BPIFB1: variants seen among roughly 807,000 people sequenced by gnomAD.
The protein encoded by BPIFB1 is BPI fold containing family B member 1.
In BPIFB1, 34 loss-of-function variants were observed where a neutral mutation model predicts 55.1. The observed-to-expected ratio is 0.62, with a 90% confidence interval of 0.47 to 0.82. BPIFB1 has a LOEUF of 0.82. BPIFB1 is among the 40% of genes least tolerant of loss of function. The probability of loss-of-function intolerance (pLI) is 0.00; values close to 1 mark genes in which losing one functional copy is unlikely to be tolerated. For synonymous variants in BPIFB1, 236 were observed against 245.3 expected (o/e 0.96, Z 0.35); for missense variants, 532 against 593.1 (o/e 0.90, Z 1.07).
chr20:33,305,037 T>C, intron 13 of BPIFB1, 146 bp downstream of exon 13: 3 of 827,708 alleles, frequency 3.6e-6, no homozygotes, highest in Non-Finnish European at 4.0e-6. Flanking sequence ...AAAGTCCAAC[T>C]TCCCTCGAGT....
intron 8 of BPIFB1, 145 bp downstream of exon 8, chr20:33,300,129 G>T (rs760911916): frequency 4.2e-6 from 3 of 710,408 alleles, no homozygotes; most frequent in East Asian, 2.7e-5. Context: ...ATCACTGCAG[G>T]CTGAATATGT....
chr20:33,306,849 T>C, intron 14 of BPIFB1, 62 bp from the exon 15 acceptor site: 1 of 1,423,630 alleles, frequency 7.0e-7, no homozygotes, highest in Non-Finnish European at 9.9e-7. Flanking sequence ...ACCCTGAGCC[T>C]GCCCCTGGCT....
At chr20:33,291,181 T>A in intron 5 of BPIFB1, 75 bp downstream of exon 5, 1 of 1,552,024 alleles carries the variant, frequency 6.4e-7, no homozygotes, top group South Asian at 1.2e-5. Flanking sequence ...TCCCCCATTT[T>A]ACAAATGGAG....
intron 7 of BPIFB1, chr20:33,298,990 TTG>T: frequency 1.0e-4 from 33 of 319,798 alleles, no homozygotes; most frequent in Middle Eastern, 4.4e-4. Context: ...TTTTTTTTTT[TTG>T]GAGACGGACC....
intron 5 of BPIFB1, among the ~76,000 whole-genome samples, 194 bp from the exon 6 acceptor site, chr20:33,291,713 C>T (rs985396954): frequency 3.9e-5 from 6 of 152,224 alleles, no homozygotes; most frequent in African/African-American, 7.2e-5. Context: ...AACACCCAGC[C>T]GCTGCTTTCT....
At chr20:33,288,536 G>A (rs141221682) in intron 2 of BPIFB1, among the ~76,000 whole-genome samples, 88 of 152,248 alleles carry the variant, frequency 5.8e-4, no homozygotes, top group South Asian at 4.2e-3. Context: ...ATGTGAAAAC[G>A]ACCCATCTGG....
At chr20:33,283,876 G>T (rs989542689) in intron 1 of BPIFB1, among the ~76,000 whole-genome samples, 1 of 152,218 alleles carries the variant, frequency 6.6e-6, no homozygotes. Context: ...CCATCCTCGT[G>T]GGTCCCTGGG....
intron 8 of BPIFB1, 119 bp downstream of exon 8, chr20:33,300,103 G>C: frequency 7.1e-6 from 6 of 848,398 alleles, no homozygotes; most frequent in Admixed American, 2.1e-5. Context: ...ATTAGGACAC[G>C]GGCTGATCTA....
intron 11 of BPIFB1, among the ~76,000 whole-genome samples, chr20:33,303,521 G>C (rs1053798988): frequency 6.6e-6 from 1 of 152,132 alleles, no homozygotes; most frequent in Non-Finnish European, 1.5e-5. Context: ...AATCACCGCA[G>C]GAAGAACCTA....
rs1483781201 is a variant in BPIFB1 at position 33,291,221 on chromosome 20, T to C, written c.515+115T>C. Reference sequence around the variant, plus strand: ...CTGAGGCCTAGAGAAAGAAAGGGACTTATCCCCTCCTGATTCCTGATCTGG... The same window carrying C: ...CTGAGGCCTAGAGAAAGAAAGGGACCTATCCCCTCCTGATTCCTGATCTGG... On this transcript the variant is annotated intron_variant, in intron 5 of 15. Transcript: ENST00000253354. 5 of 1,323,502 alleles carry C rather than the reference T, an allele frequency of 3.8e-6. No homozygotes were observed. The African/African-American group carries it at 5.9e-5, about 16-fold the overall frequency. 82.0% of individuals were successfully genotyped at this position (1,323,502 alleles called of 1,614,324 possible). A position where few individuals can be genotyped will look rare whatever the true frequency, so the allele number is the denominator to read the frequency against.
At chr20:33,297,259 C>A (rs966054261) in intron 6 of BPIFB1, among the ~76,000 whole-genome samples, 7 of 152,246 alleles carry the variant, frequency 4.6e-5, no homozygotes, top group African/African-American at 1.7e-4. Context: ...CACCTGTGAG[C>A]AAGACAAGGA....
Position 33,288,784 on chromosome 20 carries a change from G to A in BPIFB1, c.159G>A (p.Leu53=), listed in dbSNP as rs1980353427. ...AGGACCACAACGCCACCAGCATCCT[G>A]CAGCAGCTGCCGCTGCTCAGTGCCA... The part of the protein sequence containing the change: ...ELKDHNATSI[L]QQLPLLSAMR... The change falls in exon 3 of 16, where the codon CTG becomes CTA. Residue 53 remains leucine, a synonymous_variant. Transcript: ENST00000253354. 6.2e-7 allele frequency: 1 copy of A among 1,613,948 alleles called. No individual in the cohort carries two copies. The highest frequency in any genetic ancestry group is 8.5e-7 in the Non-Finnish European group (1 of 1,180,012).
chr20:33,302,696 C>T, intron 10 of BPIFB1: 1 of 641,558 alleles, frequency 1.6e-6, no homozygotes, highest in Non-Finnish European at 2.7e-6. Flanking sequence ...GGGAGGCCTC[C>T]CTGAAGGGAA....
rs1380518869 is a variant in BPIFB1, at chr20:33,306,001, G to A, written c.1255-1G>A. On this transcript the variant is annotated splice_acceptor_variant, in intron 13 of 15. Transcript: ENST00000253354. LOFTEE classifies it high-confidence loss of function. ...GACAGTGCCCCTTCTCTCTCTCACA[G>A]CCTGATGTTCTGAAAAACATCATCA... The A allele has an allele frequency of 6.2e-7, 1 of 1,613,938 alleles. No individual in the cohort carries two copies. The highest frequency in any genetic ancestry group is 8.5e-7 in the Non-Finnish European group (1 of 1,180,004).
In BPIFB1 at chr20:33,309,136, G is replaced by A. The variant is rs1203467211; in HGVS notation, c.1396-572G>A. Among the ~76,000 whole-genome samples, 3 of 152,122 alleles carry A rather than the reference G, an allele frequency of 2.0e-5. No individual in the cohort carries two copies. The highest frequency in any genetic ancestry group is 4.4e-5 in the Non-Finnish European group (3 of 68,030). On this transcript the variant is annotated intron_variant, in intron 15 of 15. Coordinates refer to ENST00000253354, the MANE Select transcript of BPIFB1 (RefSeq NM_033197.3). This position sits in a 1 kb window ranked among gnomAD's most constrained non-coding sequence, Gnocchi z 4.4. ...GACTCTCCGTGGCATCTGCTGGGGA[G>A]AGGATCTATGGCAGTGTCACCCTCG...
At chr20:33,288,702 C>T (rs1359090333) in intron 2 of BPIFB1, 39 bp from the exon 3 acceptor site, 1 of 1,600,120 alleles carries the variant, frequency 6.2e-7, no homozygotes, top group South Asian at 1.1e-5. Context: ...TCCTTCTTGC[C>T]CCTCCTCCTG....
rs1037871847 is a variant in BPIFB1 at position 33,303,893 on chromosome 20, A to G, written c.1141-65A>G. ...GATTCAGACCCCAGAGCCTCCCTGC[A>G]TAACCCCTAATTCCACACTCGGATC... On this transcript the variant is annotated intron_variant, in intron 11 of 15. Transcript: ENST00000253354. The G allele has an allele frequency of 2.9e-5, 45 of 1,542,208 alleles. No homozygotes were observed. The Admixed American group carries it at 7.3e-4, about 25-fold the overall frequency.
chr20:33,302,497 A>T, intron 10 of BPIFB1, 85 bp downstream of exon 10: 1 of 1,438,812 alleles, frequency 7.0e-7, no homozygotes, highest in East Asian at 2.3e-5. Context: ...TAGTGGGACT[A>T]GTGTTTCATT....
Position 33,291,016 on chromosome 20 carries a change from G to A in BPIFB1, c.425G>A (p.Arg142His), listed in dbSNP as rs61737874. The A allele has an allele frequency of 2.3e-4, 377 of 1,613,886 alleles. No homozygotes were observed. The Middle Eastern group carries it at 2.6e-3, about 11-fold the overall frequency. The change falls in exon 5 of 16, where the codon CGC (arginine) becomes CAC (histidine). Residue 142 changes from arginine to histidine, a missense_variant. By Grantham distance (29) the Arg-to-His change is conservative. Coordinates refer to ENST00000253354, the MANE Select transcript of BPIFB1 (RefSeq NM_033197.3). ...HMTTEAQATI[R>H]MDTSASGPTR... ...ACGACTGAGGCCCAAGCCACCATCC[G>A]CATGGACACCAGTGCAAGTGGCCCC... is the stretch of plus-strand genomic sequence containing the variant.
Sources: allele counts gnomAD v4.1 joint callset (sites outside exome capture counted in the v4.1 genomes callset), GRCh38; gene constraint gnomAD v4.1.1; non-coding constraint Gnocchi (gnomAD v3.1); transcripts MANE v1.5; gene names NCBI Gene and HGNC (gene_info 2026-07-23, HGNC 2026-07-21).